PPARGC1A: variants seen among roughly 807,000 people sequenced by gnomAD.
PPARGC1A encodes the protein peroxisome proliferator-activated receptor gamma coactivator 1-alpha.
A neutral mutation model predicts 88.7 loss-of-function variants in PPARGC1A; 25 were observed. That is an observed-to-expected ratio of 0.28 (90% CI 0.21 to 0.39). The LOEUF (loss-of-function observed/expected upper bound fraction) is 0.39. PPARGC1A is among the 10% of genes least tolerant of loss of function. The pLI is 1.00. For synonymous variants in PPARGC1A, 363 were observed against 355.6 expected (o/e 1.02, Z -0.24); for missense variants, 880 against 968.7 (o/e 0.91, Z 1.22).
At chr4:23,885,355 T>C (rs1020331701) in intron 1 of PPARGC1A, among the ~76,000 whole-genome samples, 3 of 152,160 alleles carry the variant, frequency 2.0e-5, no homozygotes, top group Non-Finnish European at 4.4e-5. Context: ...TAATAGACAC[T>C]CAATAAACTA....
At chr4:24,346,361 A>T in the PPARGC1A span, among the ~76,000 whole-genome samples, 24 of 152,162 alleles carry the variant, frequency 1.6e-4, no homozygotes, top group Non-Finnish European at 2.9e-4. Flanking sequence ...ATTGGTAACA[A>T]TTCTTCCTTG....
chr4:24,027,229 G>GTGTGTGTGTGTGTGTGTC, the PPARGC1A span, among the ~76,000 whole-genome samples: 33 of 143,360 alleles, frequency 2.3e-4, no homozygotes, highest in African/African-American at 7.5e-4. Flanking sequence ...CTGTGTGTCT[G>GTGTGTGTGTGTGTGTGTC]TGTGTGTCTG....
chr4:23,913,835 G>C, the PPARGC1A span, among the ~76,000 whole-genome samples: 2 of 152,126 alleles, frequency 1.3e-5, no homozygotes, highest in African/African-American at 2.4e-5. Flanking sequence ...GAGGAGGCAT[G>C]TGCTCATTCA....
At chr4:24,206,720 A>G in the PPARGC1A span, among the ~76,000 whole-genome samples, 15 of 151,974 alleles carry the variant, frequency 9.9e-5, no homozygotes, top group South Asian at 1.5e-3. Context: ...CGTGCCTGTA[A>G]TCCCAGCTAC....
chr4:23,823,919 A>C (rs1723446368), intron 7 of PPARGC1A, among the ~76,000 whole-genome samples: 1 of 152,068 alleles, frequency 6.6e-6, no homozygotes, highest in Non-Finnish European at 1.5e-5. Flanking sequence ...TGTTCCTTTA[A>C]CCTTATCAGC....
At chr4:24,308,901 T>TTG in the PPARGC1A span, among the ~76,000 whole-genome samples, 1 of 152,052 alleles carries the variant, frequency 6.6e-6, no homozygotes, top group Non-Finnish European at 1.5e-5. Flanking sequence ...TCAAAGGAGA[T>TTG]TGATACAAAT....
At chr4:24,115,957 G>C in the PPARGC1A span, among the ~76,000 whole-genome samples, 2 of 152,070 alleles carry the variant, frequency 1.3e-5, no homozygotes, top group Middle Eastern at 3.2e-3. Context: ...TGAGGATAAT[G>C]GGGGAAGAGA....
chr4:23,861,825 A>T (rs1007459873), intron 2 of PPARGC1A, among the ~76,000 whole-genome samples: 21 of 152,238 alleles, frequency 1.4e-4, no homozygotes, highest in Non-Finnish European at 2.8e-4. Context: ...ATTGCATTTT[A>T]AAAAGAGTTA....
At chr4:24,437,643 T>C in the PPARGC1A span, among the ~76,000 whole-genome samples, 1 of 151,094 alleles carries the variant, frequency 6.6e-6, no homozygotes, top group South Asian at 2.1e-4. Context: ...GTTGTTTTAG[T>C]TTTGGTTTTT....
chr4:24,453,840 C>T, the PPARGC1A span, among the ~76,000 whole-genome samples: 1 of 151,868 alleles, frequency 6.6e-6, no homozygotes, highest in Non-Finnish European at 1.5e-5. Context: ...CCCTCCTCCA[C>T]CCCACCTCCA....
At chr4:24,106,762 G>A in the PPARGC1A span, among the ~76,000 whole-genome samples, 1 of 152,210 alleles carries the variant, frequency 6.6e-6, no homozygotes, top group Non-Finnish European at 1.5e-5. Context: ...TCGGTCAATA[G>A]TCTTAAAGCA....
chr4:24,392,443 A>G, the PPARGC1A span, among the ~76,000 whole-genome samples: 47,160 of 152,008 alleles, frequency 0.31, 8,901 homozygotes, highest in African/African-American at 0.54. Flanking sequence ...TATTCTTGAA[A>G]AATATACTGT....
chr4:23,795,912 A>G lies in PPARGC1A; in HGVS notation c.2307T>C (p.Asp769=), dbSNP rs1322358620. The G allele has an allele frequency of 3.1e-6, 5 of 1,610,716 alleles. No homozygotes were observed. Among genetic ancestry groups the G allele is most frequent in the Admixed American group, 1.7e-5 (1 of 59,520 alleles). The part of the protein sequence containing the change: ...SNYADLDSNS[D]DFDPASTKSK... Reference sequence around the variant, plus strand: ...TCTTGGTGGAAGCAGGGTCAAAGTCATCTGAGTTTGAATCTGAAAAAAAAC... The same window carrying G: ...TCTTGGTGGAAGCAGGGTCAAAGTCGTCTGAGTTTGAATCTGAAAAAAAAC... Residue 769 remains aspartate, a synonymous_variant, in exon 13 of 13, where the codon GAT becomes GAC. Transcript: ENST00000264867.
the PPARGC1A span, among the ~76,000 whole-genome samples, chr4:24,387,904 G>C: frequency 4.0e-5 from 1 of 25,232 alleles, no homozygotes; most frequent in South Asian, 2.7e-3. Flanking sequence ...GAAAAAGAAA[G>C]AGAAAGAAAG....
chr4:24,121,354 C>T, the PPARGC1A span, among the ~76,000 whole-genome samples: 1 of 152,114 alleles, frequency 6.6e-6, no homozygotes, highest in African/African-American at 2.4e-5. Flanking sequence ...TGAACATGAT[C>T]ACAGGTCTCA....
chr4:24,251,903 T>C, the PPARGC1A span, among the ~76,000 whole-genome samples: 1 of 151,908 alleles, frequency 6.6e-6, no homozygotes, highest in South Asian at 2.1e-4. Flanking sequence ...CTTATCAGAC[T>C]TAGTAAACCC....
chr4:24,256,819 T>C, the PPARGC1A span, among the ~76,000 whole-genome samples: 3 of 152,168 alleles, frequency 2.0e-5, no homozygotes, highest in African/African-American at 7.2e-5. Context: ...TTCCGAAACT[T>C]TGATTAGATC....
At chr4:23,891,747 A>G (rs60367089), upstream of PPARGC1A, among the ~76,000 whole-genome samples, 537 of 152,336 alleles carry the variant, frequency 3.5e-3, 4 homozygotes, top group African/African-American at 0.012. Context: ...TCCCTTTTAT[A>G]AACAGCAGAA....
the PPARGC1A span, among the ~76,000 whole-genome samples, chr4:24,025,604 T>C: frequency 6.6e-6 from 1 of 152,068 alleles, no homozygotes; most frequent in East Asian, 1.9e-4. Context: ...CTCTGTCCAC[T>C]GCCTCACCCC....
Sources: gnomAD v4.1 joint callset for allele counts (sites outside exome capture counted in the v4.1 genomes callset) on GRCh38, gnomAD v4.1.1 for gene constraint, MANE v1.5 for transcripts, NCBI Gene and HGNC (gene_info 2026-07-23, HGNC 2026-07-21) for gene names.